SYNPO: variants seen among roughly 807,000 people sequenced by gnomAD.
SYNPO encodes synaptopodin.
SYNPO carries 19 observed loss-of-function variants against 49.5 expected under a neutral mutation model. The observed-to-expected ratio is 0.38, with a 90% CI of 0.27 to 0.56. The LOEUF (loss-of-function observed/expected upper bound fraction) is 0.56. Ranked by LOEUF, SYNPO falls within the 20% of genes least tolerant of loss-of-function variation. The pLI is 0.68. For synonymous variants in SYNPO, 536 were observed against 548.0 expected, an observed-to-expected ratio of 0.98 and a Z score of 0.31; for missense variants, 1,131 against 1,248.3, an observed-to-expected ratio of 0.91 and a Z score of 1.42.
rs749630651 is a variant in SYNPO at position 150,649,133 on chromosome 5, A to G, written c.858A>G (p.Arg286=). Reference sequence around the variant, plus strand: ...CAGACAGGAGCCCCCGGCCACAGAGACACATAATGTCCCGCAGCCCCATGG... The same window carrying G: ...CAGACAGGAGCCCCCGGCCACAGAGGCACATAATGTCCCGCAGCCCCATGG... ...SLPDRSPRPQ[R]HIMSRSPMVE... is the part of the protein sequence containing the mutation. The change falls in exon 2 of 3, where the codon AGA becomes AGG. Residue 286 remains arginine (R), a synonymous_variant. Coordinates refer to ENST00000307662, the MANE Select transcript of SYNPO (RefSeq NM_007286.6). 6.2e-7 allele frequency: 1 copy of G among 1,614,064 alleles called. No individual in the cohort carries two copies. Among genetic ancestry groups the G allele is most frequent in the Non-Finnish European group, 8.5e-7 (1 of 1,179,978 alleles).
intron 1 of SYNPO, among the ~76,000 whole-genome samples, chr5:150,601,706 C>A (rs779611064): frequency 6.6e-6 from 1 of 152,156 alleles, no homozygotes; most frequent in African/African-American, 2.4e-5. Context: ...AGCTTGGGAG[C>A]CTGCTGGCTG....
intron 2 of SYNPO, among the ~76,000 whole-genome samples, chr5:150,629,289 G>T (rs1251216359): frequency 6.6e-6 from 1 of 152,172 alleles, no homozygotes; most frequent in African/African-American, 2.4e-5. Context: ...GAGTCACCAT[G>T]CCCGGCCTAG....
chr5:150,650,956 G>C (rs1758357617), intron 2 of SYNPO: 1 of 1,254,782 alleles, frequency 8.0e-7, no homozygotes, highest in Non-Finnish European at 1.0e-6. Context: ...CCTTCTGCTG[G>C]CTGCGGACTC....
In SYNPO at chr5:150,656,808, C is replaced by T; in HGVS notation, c.2433C>T (p.Gly811=). The T allele has an allele frequency of 1.4e-6, 2 of 1,475,318 alleles. No individual in the cohort carries two copies. Among genetic ancestry groups the T allele is most frequent in the South Asian group, 1.3e-5 (1 of 77,234 alleles). The allele number at this position is 1,475,318 out of a possible 1,614,324, so 91.4% of individuals were successfully genotyped here. ...GCTCGCCACAGCCCGCCCGCCCCGG[C>T]TCGGCTGCTGTGCCGGGGGCAGCCT... ...RMRSPQPARP[G]SAAVPGAAFA... The change falls in exon 3 of 3, where the codon GGC becomes GGT. Residue 811 remains glycine, a synonymous_variant. Coordinates refer to ENST00000307662, the MANE Select transcript of SYNPO (RefSeq NM_007286.6).
chr5:150,654,189 G>A (rs1406437291), intron 2 of SYNPO: 1 of 152,204 alleles, frequency 6.6e-6, no homozygotes, highest in African/African-American at 2.4e-5. Context: ...GTGGATGACT[G>A]CTAGTGAATT....
intron 2 of SYNPO, chr5:150,618,836 G>A: frequency 1.3e-6 from 2 of 1,527,752 alleles, no homozygotes; most frequent in South Asian, 1.2e-5. Flanking sequence ...TTAGTACAAG[G>A]GCTCCTGACC....
chr5:150,651,428 G>T, intron 2 of SYNPO: 14 of 1,000,510 alleles, frequency 1.4e-5, no homozygotes, highest in Non-Finnish European at 1.7e-5. Context: ...GGATAGGCTG[G>T]TGCTTTGAAG....
At chr5:150,656,278 A>T in intron 2 of SYNPO, 126 bp from the exon 3 acceptor site, 1 of 748,632 alleles carries the variant, frequency 1.3e-6, no homozygotes, top group African/African-American at 1.9e-5. Context: ...TGCAGGCACT[A>T]CCTGACTTGG....
intron 1 of SYNPO, among the ~76,000 whole-genome samples, chr5:150,646,947 T>C (rs142256246): frequency 0.023 from 3,479 of 152,088 alleles, 134 homozygotes; most frequent in African/African-American, 0.079. Flanking sequence ...GTTAGAGTGA[T>C]AAACAAGTCA....
intron 1 of SYNPO, among the ~76,000 whole-genome samples, chr5:150,607,506 A>G (rs1449276815): frequency 6.6e-6 from 1 of 152,360 alleles, no homozygotes; most frequent in East Asian, 1.9e-4. Context: ...AAGGGGTGCC[A>G]GGATAGCTGA....
At chr5:150,631,354 C>A (rs2617248) in intron 2 of SYNPO, among the ~76,000 whole-genome samples, 36,434 of 151,812 alleles carry the variant, frequency 0.24, 4,487 homozygotes, top group East Asian at 0.37. Flanking sequence ...TGTGAACAGA[C>A]CTGAAGGATG....
chr5:150,591,466 G>A, the SYNPO span, among the ~76,000 whole-genome samples: 8 of 152,220 alleles, frequency 5.3e-5, no homozygotes, highest in Admixed American at 2.0e-4. Context: ...GGGCAGGGGA[G>A]GAAGGGACCC....
Position 150,656,704 on chromosome 5 carries a change from GC to G in SYNPO, c.2331del (p.Glu778ArgfsTer161). ...GAGCGCCTCCCCGCGGTCGGCGGGC[GC>G]CGAGAACCCGCGGCCCTTCTCCCCG... ...RKSASPRSAG[A>X]ENPRPFSPPR... On this transcript the variant is annotated frameshift_variant, in exon 3 of 3. Transcript: ENST00000307662. LOFTEE classifies it low-confidence loss of function (END_TRUNC). 6.9e-7 allele frequency: 1 copy of G among 1,449,486 alleles called. No individual in the cohort carries two copies. Among genetic ancestry groups the G allele is most frequent in the Non-Finnish European group, 9.1e-7 (1 of 1,104,390 alleles). The allele number at this position is 1,449,486 out of a possible 1,614,324, so 89.8% of individuals were successfully genotyped here. A position where few individuals can be genotyped will look rare whatever the true frequency, so the allele number is the denominator to read the frequency against.
At chr5:150,620,937 C>CTTTCTT (rs1757147110) in intron 2 of SYNPO, among the ~76,000 whole-genome samples, 1 of 119,454 alleles carries the variant, frequency 8.4e-6, no homozygotes, top group South Asian at 3.0e-4. Flanking sequence ...TTCTTTCTTT[C>CTTTCTT]TTTCTTTCTT....
Position 150,656,400 on chromosome 5 carries a change from C to T in SYNPO, c.2029-4C>T. The T allele has an allele frequency of 6.5e-7, 1 of 1,528,704 alleles. No individual in the cohort carries two copies. The allele number at this position is 1,528,704 out of a possible 1,614,324, so 94.7% of individuals were successfully genotyped here. ...CTGCCCCACCCTCTCTGCTCTCTCCCCAGGACCGCCGGGAGAGCCTGCCCA... is the reference window on the plus strand; with the variant it reads ...CTGCCCCACCCTCTCTGCTCTCTCCTCAGGACCGCCGGGAGAGCCTGCCCA... On this transcript the variant is annotated splice_polypyrimidine_tract_variant and splice_region_variant and intron_variant, in intron 2 of 2. Transcript: ENST00000307662.
chr5:150,626,098 G>C (rs1380580553), intron 2 of SYNPO, among the ~76,000 whole-genome samples: 9 of 151,852 alleles, frequency 5.9e-5, no homozygotes, highest in Non-Finnish European at 1.3e-4. Flanking sequence ...GGGGGTCTAG[G>C]GTACACTGGG....
At chr5:150,642,012 C>G (rs1470348926) in intron 1 of SYNPO, among the ~76,000 whole-genome samples, 1 of 152,230 alleles carries the variant, frequency 6.6e-6, no homozygotes, top group Non-Finnish European at 1.5e-5. Flanking sequence ...TCCAGCTCTG[C>G]CACTCATAAG....
intron 2 of SYNPO, among the ~76,000 whole-genome samples, chr5:150,630,365 G>A (rs1407235559): frequency 1.3e-5 from 2 of 152,196 alleles, no homozygotes; most frequent in African/African-American, 2.4e-5. Flanking sequence ...CTTCATCCCT[G>A]AGCCTCCTGT....
At chr5:150,646,687 T>C (rs1758104932) in intron 1 of SYNPO, among the ~76,000 whole-genome samples, 3 of 152,074 alleles carry the variant, frequency 2.0e-5, no homozygotes, top group Non-Finnish European at 2.9e-5. Flanking sequence ...ATCTCATCAT[T>C]GCACTCCAGC....
Sources: gnomAD v4.1 joint callset for allele counts (sites outside exome capture counted in the v4.1 genomes callset) on GRCh38, gnomAD v4.1.1 for gene constraint, MANE v1.5 for transcripts, NCBI Gene and HGNC (gene_info 2026-07-23, HGNC 2026-07-21) for gene names.